The following PACRG variants were observed in gnomAD, a reference collection of about 807,000 sequenced individuals.
PACRG encodes the protein parkin coregulated gene protein.
A neutral mutation model predicts 29.7 loss-of-function variants in PACRG; 29 were observed. The ratio of observed to expected loss-of-function variants is 0.98; its 90% CI spans 0.73 to 1.33. PACRG has a LOEUF of 1.33. PACRG is among the 40% of genes most tolerant of loss of function. The pLI is 0.00. For missense variants in PACRG, 279 were observed against 316.2 expected, an observed-to-expected ratio of 0.88 and a Z score of 0.89; for synonymous variants, 116 against 118.7, an observed-to-expected ratio of 0.98 and a Z score of 0.15.
intron 2 of PACRG, among the ~76,000 whole-genome samples, chr6:163,010,580 C>A (rs191224555): frequency 6.6e-6 from 1 of 152,302 alleles, no homozygotes; most frequent in East Asian, 1.9e-4. Flanking sequence ...TTTATTTCAT[C>A]ATGTAGCCAG....
At chr6:162,855,949 C>T (rs74905738) in intron 2 of PACRG, among the ~76,000 whole-genome samples, 84 of 152,258 alleles carry the variant, frequency 5.5e-4, no homozygotes, top group African/African-American at 1.9e-3. Flanking sequence ...TCTCAGACAG[C>T]GTCCCAGGCC....
intron 2 of PACRG, among the ~76,000 whole-genome samples, chr6:162,895,589 C>T (rs765800625): frequency 1.6e-4 from 25 of 152,302 alleles, no homozygotes; most frequent in Non-Finnish European, 2.9e-4. Context: ...ACAGTAATGC[C>T]TAACACTAAA....
At chr6:162,774,587 T>G (rs1272748105) in intron 1 of PACRG, among the ~76,000 whole-genome samples, 1 of 152,238 alleles carries the variant, frequency 6.6e-6, no homozygotes, top group Non-Finnish European at 1.5e-5. Context: ...GATAATCATT[T>G]TATCCTATTC....
intron 2 of PACRG, among the ~76,000 whole-genome samples, chr6:162,820,713 G>A (rs1787769628): frequency 6.6e-6 from 1 of 152,094 alleles, no homozygotes; most frequent in African/African-American, 2.4e-5. Context: ...AATCTTGTAG[G>A]CAAATTTATT....
At chr6:162,899,418 C>T (rs1584700780) in intron 2 of PACRG, among the ~76,000 whole-genome samples, 1 of 152,150 alleles carries the variant, frequency 6.6e-6, no homozygotes, top group South Asian at 2.1e-4. Flanking sequence ...TGTGTGGCTA[C>T]CGCTTCGGCA....
At chr6:162,772,330 G>A (rs7754517) in intron 1 of PACRG, among the ~76,000 whole-genome samples, 6,720 of 152,174 alleles carry the variant, frequency 0.044, 509 homozygotes, top group African/African-American at 0.15. Context: ...GTGTAACTGA[G>A]GCAATAATCA....
chr6:162,891,454 C>A (rs1156543537), intron 2 of PACRG, among the ~76,000 whole-genome samples: 2 of 152,150 alleles, frequency 1.3e-5, no homozygotes, highest in African/African-American at 4.8e-5. Context: ...GGGCCTGGTT[C>A]AGTGATGATT....
At chr6:163,298,594 G>A (rs1027221793) in intron 4 of PACRG, among the ~76,000 whole-genome samples, 2 of 152,230 alleles carry the variant, frequency 1.3e-5, no homozygotes, top group African/African-American at 4.8e-5. Flanking sequence ...GCACAAAGAT[G>A]TTGATTGCAT....
intron 2 of PACRG, among the ~76,000 whole-genome samples, chr6:162,887,390 G>A (rs923698368): frequency 6.6e-6 from 1 of 152,210 alleles, no homozygotes; most frequent in African/African-American, 2.4e-5. Context: ...ATGGAAGGGT[G>A]ACTTCCAATG....
At chr6:163,224,808 C>T (rs1432313831) in intron 4 of PACRG, among the ~76,000 whole-genome samples, 2 of 151,892 alleles carry the variant, frequency 1.3e-5, no homozygotes, top group African/African-American at 2.4e-5. Context: ...TTTGATATAA[C>T]CCAAAAGGCA....
rs528899221 is a variant in PACRG, at chr6:162,978,688, A to G, written c.292-83462A>G. Among the ~76,000 whole-genome samples the G allele has an allele frequency of 1.3e-3, 194 of 152,360 alleles. 1 individual carries two copies. In the South Asian group the frequency reaches 0.014, roughly 11 times the overall value. ...AAAAAAAACTGTAGAAACTCCAGAC[A>G]AAGAGAAGTCTAGAAATGACATTCT... On this transcript the variant is annotated intron_variant, in intron 2 of 4. Transcript: ENST00000366888.
intron 4 of PACRG, among the ~76,000 whole-genome samples, chr6:163,250,763 A>G (rs1466475394): frequency 6.6e-6 from 1 of 152,118 alleles, no homozygotes; most frequent in Non-Finnish European, 1.5e-5. Flanking sequence ...TTTATAGCAC[A>G]ATTTATATTT....
chr6:163,153,832 G>A (rs940770755), intron 4 of PACRG, among the ~76,000 whole-genome samples: 1 of 152,106 alleles, frequency 6.6e-6, no homozygotes, highest in African/African-American at 2.4e-5. Flanking sequence ...CAATACTATC[G>A]CTATTGAGTG....
At chr6:163,225,206 G>A (rs1055735855) in intron 4 of PACRG, among the ~76,000 whole-genome samples, 7 of 152,144 alleles carry the variant, frequency 4.6e-5, no homozygotes, top group Non-Finnish European at 1.0e-4. Flanking sequence ...CAAGTGATGT[G>A]GTTTGGCTGT....
intron 2 of PACRG, among the ~76,000 whole-genome samples, chr6:163,009,572 A>G (rs1368722156): frequency 1.3e-5 from 2 of 152,232 alleles, no homozygotes; most frequent in Non-Finnish European, 2.9e-5. Flanking sequence ...ACTTTCCTGC[A>G]TAGATCCTTT....
intron 1 of PACRG, among the ~76,000 whole-genome samples, chr6:162,739,091 G>A (rs1225990854): frequency 2.6e-5 from 4 of 152,130 alleles, no homozygotes; most frequent in African/African-American, 9.7e-5. Flanking sequence ...CTTCAAAGTA[G>A]TATATAAATA....
rs1355205453 is a variant in PACRG at position 163,201,214 on chromosome 6, T to C, written c.613+111806T>C. On this transcript the variant is annotated intron_variant, in intron 4 of 4. Transcript: ENST00000366888. ...CTTAAGCGGAATTGGTGAAAACCTT[T>C]AATTTACAGAAAGTGTCACAAACCC... Among the ~76,000 whole-genome samples the C allele has an allele frequency of 2.0e-5, 3 of 152,328 alleles. No homozygotes were observed. In the East Asian group the frequency reaches 5.8e-4, roughly 29 times the overall value.
chr6:163,066,243 G>C (rs1227229137), intron 3 of PACRG, among the ~76,000 whole-genome samples: 1 of 152,294 alleles, frequency 6.6e-6, no homozygotes, highest in African/African-American at 2.4e-5. Context: ...TTTTGCAAGA[G>C]TAAATTCCAG....
intron 2 of PACRG, among the ~76,000 whole-genome samples, chr6:163,025,014 AG>A (rs1585032236): frequency 6.6e-6 from 1 of 152,204 alleles, no homozygotes; most frequent in East Asian, 1.9e-4. Context: ...ATGCAGAAAA[AG>A]CTTTCAATAA....
Sources: allele counts gnomAD v4.1 joint callset (sites outside exome capture counted in the v4.1 genomes callset), GRCh38; gene constraint gnomAD v4.1.1; transcripts MANE v1.5; gene names NCBI Gene and HGNC (gene_info 2026-07-23, HGNC 2026-07-21).